MTERF2: variants seen among roughly 807,000 people sequenced by gnomAD.
The protein encoded by MTERF2 is transcription termination factor 2, mitochondrial.
A neutral mutation model predicts 29.2 loss-of-function variants in MTERF2; 23 were observed. The observed-to-expected ratio is 0.79, with a 90% CI of 0.57 to 1.12. MTERF2 has a LOEUF of 1.12. Ranked by LOEUF, MTERF2 falls within the 50% of genes most tolerant of loss-of-function variation. MTERF2 has a pLI of 0.00. For synonymous variants in MTERF2, 157 were observed against 159.5 expected, an observed-to-expected ratio of 0.98 and a Z score of 0.12; for missense variants, 440 against 429.4, an observed-to-expected ratio of 1.02 and a Z score of -0.22.
At chr12:106,980,615 T>G (rs565527417) in intron 2 of MTERF2, 6 of 152,240 alleles carry the variant, frequency 3.9e-5, no homozygotes, top group African/African-American at 1.4e-4. Flanking sequence ...CATCTGGTTT[T>G]AGTACCTAAG....
At chr12:106,980,933 G>C (rs1952046178) in intron 2 of MTERF2, among the ~76,000 whole-genome samples, 1 of 152,178 alleles carries the variant, frequency 6.6e-6, no homozygotes, top group African/African-American at 2.4e-5. Context: ...TGTAGGCATA[G>C]CTTGTTTTAC....
In MTERF2 at chr12:106,978,574, T is replaced by G. The variant is rs1952018341; in HGVS notation, c.141A>C (p.Arg47Ser). The G allele has an allele frequency of 6.2e-7, 1 of 1,614,128 alleles. No homozygotes were observed. Among genetic ancestry groups the G allele is most frequent in the Admixed American group, 1.7e-5 (1 of 60,008 alleles). Residue 47 changes from arginine (R) to serine (S), a missense_variant, in exon 3 of 3, where the codon AGA becomes AGC. Transcript: ENST00000240050. ...TDKQSSKENTRTVEKLYKCSV... is the reference protein window; with the variant it reads ...TDKQSSKENTSTVEKLYKCSV... ...AACATTTATAGAGCTTTTCCACTGT[T>G]CTTGTATTTTCTTTGCTCGACTGTT...
At position 106,978,721 on chromosome 12, in the gene MTERF2, A is replaced by C. The variant is rs2136791197; in HGVS notation, c.-7T>G. 1 of 1,610,520 alleles carries C rather than the reference A, an allele frequency of 6.2e-7. No individual in the cohort carries two copies. The highest frequency in any genetic ancestry group is 2.2e-5 in the East Asian group (1 of 44,870). On this transcript the variant is annotated 5_prime_UTR_variant, in exon 3 of 3. It adds an upstream start codon to the 5' untranslated region. Coordinates refer to ENST00000240050, the MANE Select transcript of MTERF2 (RefSeq NM_001033050.3). ...GCAGCAGCTTCCACAACATGGCTGC[A>C]ATCTACTAGCTAGTTTCCACCGTCC...
At chr12:106,981,190 C>T (rs1279008694) in intron 2 of MTERF2, among the ~76,000 whole-genome samples, 2 of 152,154 alleles carry the variant, frequency 1.3e-5, no homozygotes, top group African/African-American at 2.4e-5. Context: ...CTGCCAACCA[C>T]CCACACCCAA....
rs1022856919 is a variant in MTERF2, at chr12:106,979,891, CT to C, written c.-57-1121del. Among the ~76,000 whole-genome samples the C allele has an allele frequency of 2.5e-4, 37 of 149,726 alleles. No individual in the cohort carries two copies. In the East Asian group the frequency reaches 4.3e-3, roughly 17 times the overall value. ...TACATTAACAGGAGAAAAACATAAA[CT>C]TTTTTTTTTAACTTTATTTATTTTG... is the stretch of plus-strand genomic sequence containing the variant. On this transcript the variant is annotated intron_variant, in intron 2 of 2. Transcript: ENST00000240050.
intron 1 of MTERF2, chr12:106,985,918 G>T (rs552367473): frequency 1.3e-5 from 2 of 152,284 alleles, no homozygotes; most frequent in African/African-American, 4.8e-5. Context: ...CTCAGAACCT[G>T]AGAGTCACAG....
chr12:106,979,345 G>A (rs1337097113), intron 2 of MTERF2, among the ~76,000 whole-genome samples: 8 of 152,126 alleles, frequency 5.3e-5, no homozygotes, highest in Non-Finnish European at 1.2e-4. Context: ...AATTTTATAC[G>A]TTAAATATTT....
rs570793392 is a variant in MTERF2, at chr12:106,984,203, A to G, written c.-58+912T>C. On this transcript the variant is annotated intron_variant, in intron 2 of 2. Transcript: ENST00000240050. Reference sequence around the variant, plus strand: ...CTCAAGTGTTTGCTCCTTCAGGTGTATCCTCCTCTGATGCTCCAGCCATCA... The same window carrying G: ...CTCAAGTGTTTGCTCCTTCAGGTGTGTCCTCCTCTGATGCTCCAGCCATCA... 3.7e-4 allele frequency among the ~76,000 whole-genome samples: 57 copies of G among 152,156 alleles called. No individual in the cohort carries two copies. The South Asian group carries it at 0.011, about 30-fold the overall frequency.
intron 2 of MTERF2, among the ~76,000 whole-genome samples, chr12:106,981,189 A>G (rs941908571): frequency 6.6e-6 from 1 of 152,094 alleles, no homozygotes; most frequent in African/African-American, 2.4e-5. Context: ...GCTGCCAACC[A>G]CCCACACCCA....
chr12:106,985,901 A>G (rs1410413069), intron 1 of MTERF2: 1 of 152,236 alleles, frequency 6.6e-6, no homozygotes, highest in Admixed American at 6.5e-5. Flanking sequence ...TTTGGATCAC[A>G]GATCAACTCA....
At chr12:106,981,161 G>A (rs986071716) in intron 2 of MTERF2, among the ~76,000 whole-genome samples, 1 of 152,218 alleles carries the variant, frequency 6.6e-6, no homozygotes, top group Non-Finnish European at 1.5e-5. Context: ...TACCACACGT[G>A]GGGGAGGAGC....
At chr12:106,981,192 C>CA (rs1047990453) in intron 2 of MTERF2, among the ~76,000 whole-genome samples, 1 of 152,182 alleles carries the variant, frequency 6.6e-6, no homozygotes, top group African/African-American at 2.4e-5. Context: ...GCCAACCACC[C>CA]ACACCCAATC....
chr12:106,982,340 C>T (rs1952062108), intron 2 of MTERF2, among the ~76,000 whole-genome samples: 1 of 152,164 alleles, frequency 6.6e-6, no homozygotes, highest in Non-Finnish European at 1.5e-5. Flanking sequence ...CAGAATTTTT[C>T]TTGAAAATCT....
intron 2 of MTERF2, among the ~76,000 whole-genome samples, chr12:106,981,508 T>C (rs778456200): frequency 2.0e-5 from 3 of 147,490 alleles, no homozygotes; most frequent in Non-Finnish European, 4.4e-5. Flanking sequence ...CCAAAAAGTT[T>C]ATGTATGTAT....
At chr12:106,981,897 T>C (rs768017042) in intron 2 of MTERF2, among the ~76,000 whole-genome samples, 17 of 152,092 alleles carry the variant, frequency 1.1e-4, no homozygotes, top group Non-Finnish European at 2.1e-4. Flanking sequence ...TGTGGAAAAA[T>C]TGCCAACTTC....
Position 106,978,506 on chromosome 12 carries a change from A to T in MTERF2, c.209T>A (p.Leu70His), listed in dbSNP as rs1344878526. The change falls in exon 3 of 3, where the codon CTT becomes CAT. Residue 70 changes from leucine to histidine, a missense_variant. Coordinates refer to ENST00000240050, the MANE Select transcript of MTERF2 (RefSeq NM_001033050.3). ...TTCAACATAGGTTTCATCCTCTAAA[A>T]GTACCCATCCTTTTAATCTACGAAT... ...RKIRRLKGWV[L>H]LEDETYVEEI... 3 of 1,614,124 alleles carry T rather than the reference A, an allele frequency of 1.9e-6. No homozygotes were observed. The highest frequency in any genetic ancestry group is 2.5e-6 in the Non-Finnish European group (3 of 1,180,042).
intron 2 of MTERF2, among the ~76,000 whole-genome samples, chr12:106,981,633 G>T (rs1952052951): frequency 6.6e-6 from 1 of 152,028 alleles, no homozygotes; most frequent in South Asian, 2.1e-4. Context: ...TGATTCTCCA[G>T]CCTCAGCCTC....
At chr12:106,983,407 A>G (rs768770704) in intron 2 of MTERF2, among the ~76,000 whole-genome samples, 3 of 152,178 alleles carry the variant, frequency 2.0e-5, no homozygotes, top group Admixed American at 6.5e-5. Context: ...GGGTCATATA[A>G]TATTTGTCTT....
Position 106,977,660 on chromosome 12 carries a change from A to C in MTERF2, c.1055T>G (p.Leu352Arg), listed in dbSNP as rs1470979504. The C allele has an allele frequency of 6.2e-7, 1 of 1,613,978 alleles. No individual in the cohort carries two copies. Among genetic ancestry groups the C allele is most frequent in the South Asian group, 1.1e-5 (1 of 91,076 alleles). ...TTCAAACTCTTTTTTTGATCCATTT[A>C]GATTTGCTAGATGTCCATCCTTTAT... is the stretch of plus-strand genomic sequence containing the variant. ...YRIKDGHLANLNGSKKEFEAN... is the reference protein window; with the variant it reads ...YRIKDGHLANRNGSKKEFEAN... The change falls in exon 3 of 3, where the codon CTA (leucine) becomes CGA (arginine). Residue 352 changes from leucine to arginine, a missense_variant. Coordinates refer to ENST00000240050, the MANE Select transcript of MTERF2 (RefSeq NM_001033050.3).
Sources: allele counts gnomAD v4.1 joint callset (sites outside exome capture counted in the v4.1 genomes callset), GRCh38; gene constraint gnomAD v4.1.1; transcripts MANE v1.5; gene names NCBI Gene and HGNC (gene_info 2026-07-23, HGNC 2026-07-21).